The following MPP4 variants were observed in gnomAD, a reference collection of about 807,000 sequenced individuals.
The protein encoded by MPP4 is MAGUK p55 subfamily member 4.
Under a neutral mutation model 98.3 loss-of-function variants are expected in MPP4, and 91 were observed. The ratio of observed to expected loss-of-function variants is 0.93; its 90% confidence interval spans 0.78 to 1.10. The LOEUF is 1.10. Ranked by LOEUF, MPP4 falls within the 50% of genes least tolerant of loss-of-function variation. The pLI is 0.00. For synonymous variants in MPP4, 261 were observed against 271.8 expected (o/e 0.96, Z 0.39); for missense variants, 744 against 792.9 (o/e 0.94, Z 0.74).
In MPP4 at chr2:201,690,247, C is replaced by A. The variant is rs532787257; in HGVS notation, c.234G>T (p.Lys78Asn). 3.7e-6 allele frequency: 6 copies of A among 1,608,882 alleles called. No homozygotes were observed. The South Asian group carries it at 5.6e-5, about 15-fold the overall frequency. Residue 78 changes from lysine (K) to asparagine (N), a missense_variant, in exon 4 of 22, where the codon AAG becomes AAT. By Grantham distance (94) the Lys-to-Asn change is moderately conservative. Coordinates refer to ENST00000409474, the MANE Select transcript of MPP4 (RefSeq NM_033066.3). ...IYDCLQEFKEKKLVPATPHAQ... is the reference protein window; with the variant it reads ...IYDCLQEFKENKLVPATPHAQ... ...CATGTGGTGTGGCAGGAACTAGTTT[C>A]TTTTCTTTAAATTCCTGGAGGCAGT... is the stretch of plus-strand genomic sequence containing the variant.
chr2:201,647,179 C>T (rs1687582206), intron 21 of MPP4, among the ~76,000 whole-genome samples: 1 of 152,184 alleles, frequency 6.6e-6, no homozygotes, highest in African/African-American at 2.4e-5. Flanking sequence ...ACTTGGCTTG[C>T]CCCCTCTATT....
intron 18 of MPP4, among the ~76,000 whole-genome samples, chr2:201,654,635 GA>G (rs1687806221): frequency 6.6e-6 from 1 of 151,978 alleles, no homozygotes; most frequent in Non-Finnish European, 1.5e-5. Flanking sequence ...ATTAAAAAAA[GA>G]AAAAAGCCCT....
At chr2:201,654,756 A>T in intron 18 of MPP4, 81 bp downstream of exon 18, 1 of 912,120 alleles carries the variant, frequency 1.1e-6, no homozygotes, top group South Asian at 1.8e-5. Flanking sequence ...TACAACAAAG[A>T]TGGAATGACA....
chr2:201,675,414 T>C (rs1688482436), intron 10 of MPP4, 143 bp from the exon 11 acceptor site: 1 of 780,206 alleles, frequency 1.3e-6, no homozygotes. Context: ...GGTGATTGCT[T>C]CTCCAAATAC....
At chr2:201,650,746 C>T (rs953212994) in intron 18 of MPP4, 1 of 985,192 alleles carries the variant, frequency 1.0e-6, no homozygotes, top group Admixed American at 6.2e-5. Flanking sequence ...TGGAGAAAGC[C>T]CATGACATTC....
chr2:201,654,848 CT>C lies in MPP4; in HGVS notation c.1369del (p.Ser457ValfsTer15). On this transcript the variant is annotated frameshift_variant, in exon 18 of 22. Transcript: ENST00000409474. LOFTEE classifies it high-confidence loss of function. ...AGAACTAAACATACGTGGCACAGCA[CT>C]TTGAAAATGGCTGGGATTAAATTCA... ...LIEFNPSHFQSAVPHTTRTKK... is the reference protein window; with the variant it reads ...LIEFNPSHFQXAVPHTTRTKK... 6.2e-7 allele frequency: 1 copy of C among 1,603,044 alleles called. No homozygotes were observed. The highest frequency in any genetic ancestry group is 8.5e-7 in the Non-Finnish European group (1 of 1,174,616).
chr2:201,661,675 A>C, intron 14 of MPP4: 1 of 448,740 alleles, frequency 2.2e-6, no homozygotes, highest in Non-Finnish European at 4.5e-6. Context: ...TGTTCTAAGC[A>C]CTTTATTCAT....
At chr2:201,670,456 A>G (rs754074050) in intron 11 of MPP4, among the ~76,000 whole-genome samples, 25 of 152,202 alleles carry the variant, frequency 1.6e-4, no homozygotes, top group Non-Finnish European at 3.1e-4. Context: ...GTGGCTCCAA[A>G]CCTGAGGCTC....
In MPP4 at chr2:201,680,927, G is replaced by T. The variant is rs372695504; in HGVS notation, c.840C>A (p.Asp280Glu). The T allele has an allele frequency of 2.2e-5, 36 of 1,613,758 alleles. No homozygotes were observed. Among genetic ancestry groups the T allele is most frequent in the Non-Finnish European group, 2.9e-5 (34 of 1,179,866 alleles). The change falls in exon 10 of 22, where the codon GAC becomes GAA. Residue 280 changes from aspartate (D) to glutamate (E), a missense_variant. Physicochemically the swap from Asp to Glu is conservative, Grantham distance 45. Transcript: ENST00000409474. ...FQKGDILQIV[D>E]QNDALWWQAR... ...CCTGCCACCAGAGGGCATCATTCTG[G>T]TCCACAATCTGGAGGATGTCCCCCT...
intron 10 of MPP4, among the ~76,000 whole-genome samples, chr2:201,678,421 T>C (rs564689492): frequency 1.3e-5 from 2 of 152,294 alleles, no homozygotes; most frequent in Admixed American, 1.3e-4. Flanking sequence ...CCTCAGCCTC[T>C]TCTTTGAGCC....
At chr2:201,672,448 A>G (rs562801235) in intron 11 of MPP4, among the ~76,000 whole-genome samples, 2 of 152,192 alleles carry the variant, frequency 1.3e-5, no homozygotes, top group African/African-American at 2.4e-5. Flanking sequence ...AAAAAAATCA[A>G]TGAATTCAGG....
chr2:201,650,766 G>T (rs1687692620), intron 18 of MPP4: 1 of 985,242 alleles, frequency 1.0e-6, no homozygotes, highest in Non-Finnish European at 1.2e-6. Flanking sequence ...CTGCAATCTT[G>T]ACCAGATGCA....
At chr2:201,660,235 C>A in intron 15 of MPP4, 97 bp downstream of exon 15, 1 of 1,156,326 alleles carries the variant, frequency 8.6e-7, no homozygotes, top group Non-Finnish European at 1.3e-6. Flanking sequence ...TCCGTATCTT[C>A]ATCTTAAACA....
At chr2:201,652,952 ATT>A (rs1291105878) in intron 18 of MPP4, among the ~76,000 whole-genome samples, 1 of 152,178 alleles carries the variant, frequency 6.6e-6, no homozygotes, top group African/African-American at 2.4e-5. Context: ...TAAATGATAT[ATT>A]GGGTTATTTT....
chr2:201,693,585 G>C (rs1304517259), intron 2 of MPP4, among the ~76,000 whole-genome samples: 1 of 152,170 alleles, frequency 6.6e-6, no homozygotes, highest in Non-Finnish European at 1.5e-5. Context: ...TATTTTCACA[G>C]TGTTGTAGTG....
intron 17 of MPP4, 61 bp from the exon 18 acceptor site, chr2:201,654,978 G>T: frequency 8.9e-7 from 1 of 1,121,066 alleles, no homozygotes; most frequent in Non-Finnish European, 1.3e-6. Flanking sequence ...TTATGTGATG[G>T]AATTATCATT....
chr2:201,650,000 A>G lies in MPP4; in HGVS notation c.1475+72T>C, dbSNP rs937214548. On this transcript the variant is annotated intron_variant, in intron 19 of 21. Coordinates refer to ENST00000409474, the MANE Select transcript of MPP4 (RefSeq NM_033066.3). ...ATTACCCAGGAGATTTGGAAAATAC[A>G]TAAAAATAGGGAATCTATTTCAAAT... The G allele has an allele frequency of 2.0e-5, 28 of 1,408,320 alleles. No individual in the cohort carries two copies. The Admixed American group carries it at 6.4e-4, about 32-fold the overall frequency. 87.2% of individuals were successfully genotyped at this position (1,408,320 alleles called of 1,614,324 possible). A position where few individuals can be genotyped will look rare whatever the true frequency, so the allele number is the denominator to read the frequency against.
chr2:201,646,519 A>G (rs562689801), intron 21 of MPP4, among the ~76,000 whole-genome samples: 1 of 152,232 alleles, frequency 6.6e-6, no homozygotes, highest in Non-Finnish European at 1.5e-5. Flanking sequence ...GTGACCATAC[A>G]TATGATCCAG....
At chr2:201,684,243 G>A (rs1688752518) in intron 7 of MPP4, among the ~76,000 whole-genome samples, 1 of 150,570 alleles carries the variant, frequency 6.6e-6, no homozygotes, top group African/African-American at 2.4e-5. Flanking sequence ...AAAGTTTTTA[G>A]AAGAACAGCA....
Sources: allele counts gnomAD v4.1 joint callset (sites outside exome capture counted in the v4.1 genomes callset), GRCh38; gene constraint gnomAD v4.1.1; transcripts MANE v1.5; gene names NCBI Gene and HGNC (gene_info 2026-07-23, HGNC 2026-07-21).